The following RHBDL2 variants were observed in gnomAD, a reference collection of about 807,000 sequenced individuals.
RHBDL2 encodes rhomboid like 2.
A neutral mutation model predicts 31.7 loss-of-function variants in RHBDL2; 26 were observed. That is an observed-to-expected ratio of 0.82 (90% CI 0.60 to 1.14). The LOEUF (loss-of-function observed/expected upper bound fraction) is 1.14, where lower values mean the gene tolerates loss of function less well. Among genes scored for constraint, RHBDL2 ranks in the 50% most tolerant of loss-of-function variants. The pLI, the probability that RHBDL2 is intolerant of heterozygous loss-of-function variation, is 0.00. For synonymous variants in RHBDL2, 123 were observed against 127.2 expected, an observed-to-expected ratio of 0.97 and a Z score of 0.22; for missense variants, 336 against 364.4, an observed-to-expected ratio of 0.92 and a Z score of 0.63.
At chr1:38,939,006 G>A (rs1195263801) in intron 1 of RHBDL2, among the ~76,000 whole-genome samples, 5 of 152,172 alleles carry the variant, frequency 3.3e-5, no homozygotes, top group African/African-American at 7.2e-5. Flanking sequence ...GGTGCTGAAC[G>A]AACAGGATTA....
intron 3 of RHBDL2, among the ~76,000 whole-genome samples, chr1:38,915,351 C>G (rs1643218209): frequency 6.6e-6 from 1 of 151,960 alleles, no homozygotes; most frequent in Admixed American, 6.6e-5. Flanking sequence ...TCTCGAATTC[C>G]TGACCTCAAG....
intron 4 of RHBDL2, among the ~76,000 whole-genome samples, chr1:38,908,887 T>C (rs1455623581): frequency 6.6e-6 from 1 of 152,212 alleles, no homozygotes; most frequent in Non-Finnish European, 1.5e-5. Context: ...ATTGGATGGA[T>C]AACACGTGGG....
intron 1 of RHBDL2, among the ~76,000 whole-genome samples, chr1:38,938,562 A>G (rs1643533662): frequency 6.6e-6 from 1 of 152,118 alleles, no homozygotes; most frequent in South Asian, 2.1e-4. Flanking sequence ...TTGTTGTCCC[A>G]GGGAAGTATT....
chr1:38,909,549 C>T (rs1475985563), intron 4 of RHBDL2, among the ~76,000 whole-genome samples: 2 of 152,018 alleles, frequency 1.3e-5, no homozygotes, highest in East Asian at 3.9e-4. Flanking sequence ...CGAGACCAGC[C>T]TGGCCAACAT....
chr1:38,911,283 C>CTTTTAAT, intron 4 of RHBDL2, 39 bp downstream of exon 4: 8 of 1,352,138 alleles, frequency 5.9e-6, no homozygotes, highest in Non-Finnish European at 8.5e-6. Flanking sequence ...ATCCTAAGAG[C>CTTTTAAT]CCAGAGGTAT....
chr1:38,925,818 C>A, intron 1 of RHBDL2: 1 of 377,026 alleles, frequency 2.7e-6, no homozygotes, highest in Non-Finnish European at 4.2e-6. Context: ...TTAATCACTG[C>A]ATGCAAACTA....
At chr1:38,889,092 A>C (rs1261743586) in intron 6 of RHBDL2, among the ~76,000 whole-genome samples, 2 of 151,972 alleles carry the variant, frequency 1.3e-5, no homozygotes, top group Non-Finnish European at 2.9e-5. Context: ...GTGACATGAT[A>C]GATTTTGTTT....
At chr1:38,891,017 T>C (rs1030346953) in intron 6 of RHBDL2, among the ~76,000 whole-genome samples, 8 of 152,008 alleles carry the variant, frequency 5.3e-5, no homozygotes, top group Non-Finnish European at 1.0e-4. Context: ...GGCTGTAATC[T>C]CATCACTTTG....
chr1:38,933,103 T>C (rs1309852529), intron 1 of RHBDL2, among the ~76,000 whole-genome samples: 1 of 152,346 alleles, frequency 6.6e-6, no homozygotes, highest in Non-Finnish European at 1.5e-5. Context: ...GATAAGATCC[T>C]ATATGACCTA....
intron 1 of RHBDL2, among the ~76,000 whole-genome samples, chr1:38,920,699 C>T (rs1306527931): frequency 4.0e-5 from 6 of 149,840 alleles, no homozygotes; most frequent in South Asian, 2.1e-4. Flanking sequence ...CTCCGCCTCC[C>T]GGGTTCACAC....
At chr1:38,924,530 G>A (rs1425499757) in intron 1 of RHBDL2, among the ~76,000 whole-genome samples, 2 of 151,852 alleles carry the variant, frequency 1.3e-5, no homozygotes, top group African/African-American at 4.8e-5. Flanking sequence ...GGAGGCGGAG[G>A]TTGCAGTGAG....
intron 5 of RHBDL2, 115 bp from the exon 6 acceptor site, chr1:38,893,339 G>A (rs1400330087): frequency 5.5e-6 from 3 of 546,754 alleles, no homozygotes; most frequent in Admixed American, 6.2e-5. Context: ...TCAAATATTT[G>A]CAAAACAAAG....
At chr1:38,912,840 TGAGGAAACTAAA>T (rs2124327755) in intron 3 of RHBDL2, among the ~76,000 whole-genome samples, 1 of 147,464 alleles carries the variant, frequency 6.8e-6, no homozygotes, top group South Asian at 2.2e-4. Context: ...ATTTTACACC[TGAGGAAACTAAA>T]GGACAAGGAA....
At chr1:38,912,964 G>A (rs1379772124) in intron 3 of RHBDL2, among the ~76,000 whole-genome samples, 6 of 1,010 alleles carry the variant, frequency 5.9e-3, no homozygotes, top group Non-Finnish European at 0.035. Context: ...ACATATACAC[G>A]TGTGTGTGTG....
intron 4 of RHBDL2, among the ~76,000 whole-genome samples, chr1:38,897,367 TG>T (rs1237974873): frequency 2.0e-5 from 3 of 152,172 alleles, no homozygotes; most frequent in Non-Finnish European, 4.4e-5. Flanking sequence ...CCCAAAGTGC[TG>T]GGATTACAGG....
intron 1 of RHBDL2, among the ~76,000 whole-genome samples, chr1:38,920,194 G>T (rs1191475896): frequency 6.0e-5 from 6 of 100,760 alleles, no homozygotes; most frequent in Admixed American, 3.0e-4. Flanking sequence ...TTGAGATGTA[G>T]TCTCGCTCTG....
chr1:38,892,015 A>T (rs138258893), intron 6 of RHBDL2, among the ~76,000 whole-genome samples: 1 of 152,298 alleles, frequency 6.6e-6, no homozygotes, highest in East Asian at 1.9e-4. Context: ...GCCTGCTGTC[A>T]TCTGGAATCT....
rs549590900 is a variant in RHBDL2, at chr1:38,889,615, G to A, written c.671-1591C>T. ...ACCATCGGGAGTTCTGAAGGTGTCA[G>A]GCCATGAAAGGAAATCATTCCATAT... On this transcript the variant is annotated intron_variant, in intron 6 of 7. Coordinates refer to ENST00000372990, the MANE Select transcript of RHBDL2 (RefSeq NM_017821.5). 7.9e-5 allele frequency among the ~76,000 whole-genome samples: 12 copies of A among 152,274 alleles called. No homozygotes were observed. The East Asian group carries it at 1.7e-3, about 22-fold the overall frequency.
At chr1:38,916,474 T>C (rs1643236373) in intron 2 of RHBDL2, among the ~76,000 whole-genome samples, 3 of 152,096 alleles carry the variant, frequency 2.0e-5, no homozygotes, top group Admixed American at 2.0e-4. Context: ...AGGACATTAA[T>C]GGAGAAACTG....
Sources: gnomAD v4.1 joint callset for allele counts (sites outside exome capture counted in the v4.1 genomes callset) on GRCh38, gnomAD v4.1.1 for gene constraint, MANE v1.5 for transcripts, NCBI Gene and HGNC (gene_info 2026-07-23, HGNC 2026-07-21) for gene names.